Variants in AKAP17A observed in about 807,000 individuals in gnomAD.
The protein encoded by AKAP17A is A-kinase anchoring protein 17A.
Under a neutral mutation model 52.2 loss-of-function variants are expected in AKAP17A, and 15 were observed. The observed-to-expected ratio is 0.29, with a 90% CI of 0.19 to 0.44. The LOEUF (loss-of-function observed/expected upper bound fraction) is 0.44. AKAP17A is among the 20% of genes least tolerant of loss of function. AKAP17A has a pLI of 1.00. For missense variants in AKAP17A, 1,060 were observed against 1,007.0 expected (o/e 1.05, Z -0.71); for synonymous variants, 514 against 424.7 (o/e 1.21, Z -2.58).
chrX:1,599,060 C>G, intron 3 of AKAP17A, 132 bp from the exon 4 acceptor site: 1 of 1,421,050 alleles, frequency 7.0e-7, no homozygotes, highest in Middle Eastern at 2.6e-4. Context: ...CGAGGTCCAC[C>G]TTGGGATAAA....
chrX:1,592,181 T>C (rs1603459968), intron 1 of AKAP17A, among the ~76,000 whole-genome samples: 1 of 150,180 alleles, frequency 6.7e-6, no homozygotes, highest in Admixed American at 6.6e-5. Context: ...CTGTCCGGGG[T>C]TTTCGGAGGC....
intron 4 of AKAP17A, chrX:1,600,441 G>C (rs1430263900): frequency 1.6e-6 from 1 of 637,656 alleles, no homozygotes; most frequent in African/African-American, 1.8e-5. Context: ...TCACTCAGAC[G>C]CATGATGGCC....
At chrX:1,598,732 G>T (rs1476207586) in intron 3 of AKAP17A, among the ~76,000 whole-genome samples, 3 of 152,182 alleles carry the variant, frequency 2.0e-5, no homozygotes, top group Non-Finnish European at 4.4e-5. Context: ...CCCCGTGCCA[G>T]TGCTGTGTGG....
intron 3 of AKAP17A, among the ~76,000 whole-genome samples, chrX:1,596,287 GC>G (rs1429711441): frequency 6.6e-6 from 1 of 151,730 alleles, no homozygotes; most frequent in Non-Finnish European, 1.5e-5. Context: ...CACATAAGAG[GC>G]CTTTAAAGCA....
At chrX:1,595,663 TA>T in intron 3 of AKAP17A, 131 bp downstream of exon 3, 1 of 1,415,080 alleles carries the variant, frequency 7.1e-7, no homozygotes, top group Non-Finnish European at 9.8e-7. Context: ...CTTGTGTGTG[TA>T]CCTGTGTGCA....
intron 3 of AKAP17A, 46 bp downstream of exon 3, chrX:1,595,578 G>A (rs191782981): frequency 0.022 from 35,446 of 1,611,776 alleles, 538 homozygotes; most frequent in East Asian, 0.075. Context: ...TCCGGCACCT[G>A]GGAGTGTGCG....
At chrX:1,592,741 A>G (rs1426370302) in intron 1 of AKAP17A, among the ~76,000 whole-genome samples, 22 of 152,144 alleles carry the variant, frequency 1.4e-4, no homozygotes, top group African/African-American at 5.3e-4. Context: ...GCCGTCAGGA[A>G]GTGGCTGCCC....
chrX:1,594,658 T>A (rs1204252575), intron 2 of AKAP17A, among the ~76,000 whole-genome samples: 2 of 152,022 alleles, frequency 1.3e-5, no homozygotes, highest in Non-Finnish European at 2.9e-5. Flanking sequence ...TCGATCTGTT[T>A]CCTGGACTGG....
chrX:1,599,179 G>A lies in AKAP17A; in HGVS notation c.912-13G>A, dbSNP rs755152442. The A allele has an allele frequency of 9.3e-6, 15 of 1,610,522 alleles. No homozygotes were observed. The highest frequency in any genetic ancestry group is 1.3e-5 in the Non-Finnish European group (15 of 1,179,200). ...GGCGCTCTCTGTGACCACCCCCGGT[G>A]TGTTCCACACAGGAAACAAAAGGAG... On this transcript the variant is annotated splice_polypyrimidine_tract_variant and intron_variant, in intron 3 of 4. Transcript: ENST00000313871.
Position 1,600,205 on chromosome X carries a change from A to T in AKAP17A, c.1153-454A>T, listed in dbSNP as rs1933279047. 6 of 1,309,968 alleles carry T rather than the reference A, an allele frequency of 4.6e-6. No homozygotes were observed. The South Asian group carries it at 7.4e-5, about 16-fold the overall frequency. 81.1% of individuals were successfully genotyped at this position (1,309,968 alleles called of 1,614,324 possible). ...CATGTGGCAGCCCAGTCCTTACCTCATGGTGAATATTGAAGACACTAACCC... is the reference window on the plus strand; with the variant it reads ...CATGTGGCAGCCCAGTCCTTACCTCTTGGTGAATATTGAAGACACTAACCC... On this transcript the variant is annotated intron_variant, in intron 4 of 4. Coordinates refer to ENST00000313871, the MANE Select transcript of AKAP17A (RefSeq NM_005088.3).
rs189191360 is a variant in AKAP17A, at chrX:1,601,422, C to G, written c.1916C>G (p.Thr639Arg). 1 of 1,566,916 alleles carries G rather than the reference C, an allele frequency of 6.4e-7. No individual in the cohort carries two copies. The highest frequency in any genetic ancestry group is 8.6e-7 in the Non-Finnish European group (1 of 1,164,306). The stretch of plus-strand genomic sequence containing the variant: ...GATGACAGCCCCCGCCGGCGCAGCA[C>G]GAGCCCGGACCACACCCGGTCCCGG... ...YKDDSPRRRS[T>R]SPDHTRSRRS... Residue 639 changes from threonine to arginine, a missense_variant, in exon 5 of 5, where the codon ACG becomes AGG. Physicochemically the swap from Thr to Arg is moderately conservative, Grantham distance 71. Coordinates refer to ENST00000313871, the MANE Select transcript of AKAP17A (RefSeq NM_005088.3).
intron 4 of AKAP17A, 122 bp from the exon 5 acceptor site, chrX:1,600,537 A>C: frequency 9.5e-7 from 1 of 1,053,474 alleles, no homozygotes; most frequent in Non-Finnish European, 1.3e-6. Flanking sequence ...GCTGGAGTCC[A>C]GCCAGGCCGC....
chrX:1,599,456 C>A (rs1487227245), intron 4 of AKAP17A, 24 bp downstream of exon 4: 3 of 1,553,644 alleles, frequency 1.9e-6, no homozygotes, highest in Non-Finnish European at 1.7e-6. Context: ...CCCTCTGCAG[C>A]CGCCAGCCGC....
intron 1 of AKAP17A, 59 bp from the exon 2 acceptor site, chrX:1,593,385 C>T: frequency 6.5e-7 from 1 of 1,541,820 alleles, no homozygotes; most frequent in Non-Finnish European, 8.8e-7. Context: ...CTTGGCCCCT[C>T]CTCATTGGCG....
chrX:1,597,971 TCA>T (rs1190372884), intron 3 of AKAP17A, among the ~76,000 whole-genome samples: 3 of 152,130 alleles, frequency 2.0e-5, no homozygotes, highest in African/African-American at 4.8e-5. Flanking sequence ...CTGTCCTTCC[TCA>T]GAGGCTGAGC....
chrX:1,601,163 A>G lies in AKAP17A; in HGVS notation c.1657A>G (p.Asn553Asp). Residue 553 changes from asparagine to aspartate, a missense_variant, in exon 5 of 5, where the codon AAC becomes GAC. Physicochemically the swap from Asn to Asp is conservative, Grantham distance 23. Around this residue, in one of 2 missense-constraint regions of AKAP17A, gnomAD observed 793 missense variants for 629.9 expected, o/e 1.26. Coordinates refer to ENST00000313871, the MANE Select transcript of AKAP17A (RefSeq NM_005088.3). ...CGGCGTCCTCTCCTGCATTCCTGAC[A>G]ACAACCAACAGCCCAAGGGCATCCC... ...PGGVLSCIPD[N>D]NQQPKGIPAC... 2 of 1,613,922 alleles carry G rather than the reference A, an allele frequency of 1.2e-6. No individual in the cohort carries two copies. The highest frequency in any genetic ancestry group is 1.7e-6 in the Non-Finnish European group (2 of 1,179,826).
intron 4 of AKAP17A, 70 bp from the exon 5 acceptor site, chrX:1,600,589 C>G (rs1230250448): frequency 4.9e-6 from 7 of 1,416,076 alleles, no homozygotes; most frequent in African/African-American, 2.9e-5. Flanking sequence ...AAACACCTTC[C>G]CAGCTCCTGT....
chrX:1,601,057 C>A lies in AKAP17A; in HGVS notation c.1551C>A (p.Ala517=). 2.5e-6 allele frequency: 4 copies of A among 1,613,304 alleles called. No individual in the cohort carries two copies. Among genetic ancestry groups the A allele is most frequent in the Non-Finnish European group, 2.5e-6 (3 of 1,179,712 alleles). ...GAPKSVNGSV[A]EEAPCKEVQS... ...CCAAAAGCGTGAACGGGAGCGTGGC[C>A]GAGGAGGCCCCATGCAAGGAGGTTC... is the stretch of plus-strand genomic sequence containing the variant. The change falls in exon 5 of 5, where the codon GCC becomes GCA. Residue 517 remains alanine (A), a synonymous_variant. Transcript: ENST00000313871.
chrX:1,592,660 G>T (rs1932858841), intron 1 of AKAP17A, among the ~76,000 whole-genome samples: 1 of 152,186 alleles, frequency 6.6e-6, no homozygotes, highest in Non-Finnish European at 1.5e-5. Flanking sequence ...GATGGGGTGG[G>T]CGGCCGGGCC....
Sources: gnomAD v4.1 joint callset for allele counts (sites outside exome capture counted in the v4.1 genomes callset) on GRCh38, gnomAD v4.1.1 for gene constraint, gnomAD v4.1.1 regional missense constraint, MANE v1.5 for transcripts, NCBI Gene and HGNC (gene_info 2026-07-23, HGNC 2026-07-21) for gene names.